The following CADM2 variants were observed in gnomAD, a reference collection of about 807,000 sequenced individuals.
CADM2 encodes immunoglobulin superfamily member 4D.
A neutral mutation model predicts 49.8 loss-of-function variants in CADM2; 12 were observed. The ratio of observed to expected loss-of-function variants is 0.24; its 90% confidence interval spans 0.15 to 0.39. The LOEUF (loss-of-function observed/expected upper bound fraction) is 0.39. CADM2 is among the 10% of genes least tolerant of loss of function. The pLI, the probability that CADM2 is intolerant of heterozygous loss-of-function variation, is 1.00. For synonymous variants in CADM2, 214 were observed against 175.4 expected, an observed-to-expected ratio of 1.22 and a Z score of -1.74; for missense variants, 378 against 492.3, an observed-to-expected ratio of 0.77 and a Z score of 2.20.
intron 1 of CADM2, among the ~76,000 whole-genome samples, chr3:85,637,314 T>C (rs992404313): frequency 3.9e-5 from 6 of 151,968 alleles, no homozygotes; most frequent in Non-Finnish European, 5.9e-5. Flanking sequence ...ATTTAAAAGG[T>C]ATTATTGGCC....
chr3:86,053,096 G>C (rs918510781), intron 8 of CADM2, among the ~76,000 whole-genome samples: 9 of 152,052 alleles, frequency 5.9e-5, no homozygotes, highest in Admixed American at 4.6e-4. Context: ...CATGTTATAA[G>C]AAATCAATAA....
intron 1 of CADM2, among the ~76,000 whole-genome samples, chr3:85,394,696 T>C (rs2034684910): frequency 6.6e-6 from 1 of 152,172 alleles, no homozygotes; most frequent in Non-Finnish European, 1.5e-5. Context: ...TTGGACTTCA[T>C]TTATCATGAT....
chr3:85,708,470 C>G (rs2067016218), intron 1 of CADM2, among the ~76,000 whole-genome samples: 1 of 152,014 alleles, frequency 6.6e-6, no homozygotes, highest in African/African-American at 2.4e-5. Flanking sequence ...TGATTGCTAC[C>G]TTATATCCTA....
At chr3:85,807,275 G>C (rs569956833) in intron 3 of CADM2, among the ~76,000 whole-genome samples, 1 of 152,236 alleles carries the variant, frequency 6.6e-6, no homozygotes, top group South Asian at 2.1e-4. Flanking sequence ...GTGGCAGGCG[G>C]ATCACCTGAG....
intron 1 of CADM2, among the ~76,000 whole-genome samples, chr3:85,355,909 A>C (rs1018347097): frequency 2.6e-5 from 4 of 152,024 alleles, no homozygotes; most frequent in Non-Finnish European, 5.9e-5. Context: ...TGTTTGTTGT[A>C]ATATGAGCTG....
intron 1 of CADM2, among the ~76,000 whole-genome samples, chr3:85,028,888 C>G (rs1243302603): frequency 4.0e-5 from 6 of 151,640 alleles, no homozygotes; most frequent in African/African-American, 1.5e-4. Context: ...TTATCCAAAT[C>G]CCTAGAATAT....
chr3:85,885,168 T>C (rs1044807273), intron 4 of CADM2, among the ~76,000 whole-genome samples: 1 of 152,156 alleles, frequency 6.6e-6, no homozygotes, highest in Non-Finnish European at 1.5e-5. Context: ...CCTTTTAAAA[T>C]TTCTACACTA....
At chr3:85,159,804 C>T (rs2040257775) in intron 1 of CADM2, among the ~76,000 whole-genome samples, 1 of 152,014 alleles carries the variant, frequency 6.6e-6, no homozygotes, top group African/African-American at 2.4e-5. Context: ...TAATTCATAC[C>T]ATTTACTGTT....
intron 7 of CADM2, among the ~76,000 whole-genome samples, chr3:85,940,561 A>G (rs1468446164): frequency 6.6e-6 from 1 of 152,102 alleles, no homozygotes; most frequent in Non-Finnish European, 1.5e-5. Flanking sequence ...ATATTAATCT[A>G]TAATAGCAAT....
At chr3:85,398,592 C>G (rs2034918520) in intron 1 of CADM2, among the ~76,000 whole-genome samples, 2 of 152,184 alleles carry the variant, frequency 1.3e-5, no homozygotes, top group African/African-American at 4.8e-5. Flanking sequence ...CTGTCTTCCC[C>G]AATGGTTGAA....
At chr3:84,990,384 C>A (rs530162338) in intron 1 of CADM2, among the ~76,000 whole-genome samples, 1 of 151,324 alleles carries the variant, frequency 6.6e-6, no homozygotes, top group Non-Finnish European at 1.5e-5. Context: ...TCTAAAGAGG[C>A]TACAATAACT....
At chr3:85,954,827 A>G (rs1723850078) in intron 7 of CADM2, among the ~76,000 whole-genome samples, 1 of 151,296 alleles carries the variant, frequency 6.6e-6, no homozygotes, top group Non-Finnish European at 1.5e-5. Context: ...GACTCTTACT[A>G]TAATTTCTTA....
At chr3:85,207,800 T>C (rs560140822) in intron 1 of CADM2, among the ~76,000 whole-genome samples, 1 of 152,280 alleles carries the variant, frequency 6.6e-6, no homozygotes, top group South Asian at 2.1e-4. Flanking sequence ...GCTTATGCTG[T>C]TTTTATAAGG....
intron 3 of CADM2, among the ~76,000 whole-genome samples, chr3:85,835,745 T>A (rs1476323797): frequency 7.3e-6 from 1 of 136,208 alleles, no homozygotes; most frequent in African/African-American, 2.7e-5. Flanking sequence ...TCTTGCTATA[T>A]GTATATAATA....
At chr3:85,766,107 A>G (rs2069643869) in intron 2 of CADM2, among the ~76,000 whole-genome samples, 1 of 152,088 alleles carries the variant, frequency 6.6e-6, no homozygotes. Flanking sequence ...TGAATAGAGG[A>G]AGTACATAGA....
At chr3:85,574,868 C>G (rs1346555249) in intron 1 of CADM2, among the ~76,000 whole-genome samples, 1 of 152,162 alleles carries the variant, frequency 6.6e-6, no homozygotes, top group East Asian at 1.9e-4. Context: ...AGCAAACTCT[C>G]TGGTCACAGC....
chr3:85,518,774 A>G (rs1338635723), intron 1 of CADM2, among the ~76,000 whole-genome samples: 1 of 152,030 alleles, frequency 6.6e-6, no homozygotes, highest in East Asian at 1.9e-4. Flanking sequence ...CATTAAGGAC[A>G]TTGTAATGGC....
At chr3:85,525,427 T>C (rs1481946905) in intron 1 of CADM2, among the ~76,000 whole-genome samples, 1 of 152,156 alleles carries the variant, frequency 6.6e-6, no homozygotes, top group African/African-American at 2.4e-5. Flanking sequence ...GCTGACATTA[T>C]ATTTAGTAGT....
chr3:86,063,314 A>C lies in CADM2; in HGVS notation c.971-2291A>C, dbSNP rs144625886. Among the ~76,000 whole-genome samples, 6 of 152,330 alleles carry C rather than the reference A, an allele frequency of 3.9e-5. No individual in the cohort carries two copies. The East Asian group carries it at 1.2e-3, about 29-fold the overall frequency. On this transcript the variant is annotated intron_variant, in intron 8 of 9. Transcript: ENST00000383699. ...GATAGAGGAGAAGTACTTCATGATA[A>C]TAAATACTCCCATTTGGAATTAAAC... is the stretch of plus-strand genomic sequence containing the variant.
Sources: gnomAD v4.1 joint callset for allele counts (sites outside exome capture counted in the v4.1 genomes callset) on GRCh38, gnomAD v4.1.1 for gene constraint, MANE v1.5 for transcripts, NCBI Gene and HGNC (gene_info 2026-07-23, HGNC 2026-07-21) for gene names.